IQGAP2: variants seen among roughly 807,000 people sequenced by gnomAD.
The protein encoded by IQGAP2 is IQ motif containing GTPase activating protein 2.
Under a neutral mutation model 201.3 loss-of-function variants are expected in IQGAP2, and 173 were observed. The ratio of observed to expected loss-of-function variants is 0.86; its 90% CI spans 0.76 to 0.98. The LOEUF is 0.98. IQGAP2 is among the 50% of genes least tolerant of loss of function. The pLI, the probability that IQGAP2 is intolerant of heterozygous loss-of-function variation, is 0.00. For missense variants in IQGAP2, 1,687 were observed against 1,864.8 expected (o/e 0.90, Z 1.76); for synonymous variants, 675 against 673.9 (o/e 1.00, Z -0.03).
chr5:76,449,006 G>A (rs943012007), intron 1 of IQGAP2, among the ~76,000 whole-genome samples: 29 of 152,142 alleles, frequency 1.9e-4, no homozygotes, highest in African/African-American at 5.5e-4. Context: ...TCTCACAACC[G>A]TACTCCTCTC....
intron 2 of IQGAP2, among the ~76,000 whole-genome samples, chr5:76,524,044 A>G (rs770789034): frequency 5.3e-5 from 8 of 152,184 alleles, no homozygotes; most frequent in African/African-American, 7.2e-5. Context: ...TTAGGAGTCT[A>G]TAAATCTGGG....
intron 3 of IQGAP2, among the ~76,000 whole-genome samples, chr5:76,570,110 C>G (rs975525567): frequency 6.6e-6 from 1 of 152,094 alleles, no homozygotes; most frequent in African/African-American, 2.4e-5. Flanking sequence ...GCTATATTTT[C>G]CTATTTTCCA....
At chr5:76,647,019 T>C (rs1752095506) in intron 17 of IQGAP2, among the ~76,000 whole-genome samples, 1 of 152,196 alleles carries the variant, frequency 6.6e-6, no homozygotes, top group South Asian at 2.1e-4. Flanking sequence ...CATTGACACT[T>C]CTGATTTTTT....
intron 2 of IQGAP2, among the ~76,000 whole-genome samples, chr5:76,489,746 C>T (rs1192866712): frequency 4.6e-5 from 7 of 152,180 alleles, no homozygotes; most frequent in Admixed American, 6.5e-5. Flanking sequence ...GGATTACAGG[C>T]GTGAGTCACC....
intron 2 of IQGAP2, among the ~76,000 whole-genome samples, chr5:76,468,214 C>T (rs1011168022): frequency 2.6e-5 from 4 of 152,114 alleles, no homozygotes; most frequent in Admixed American, 6.6e-5. Flanking sequence ...TTAGCAGATA[C>T]ATTGCATATA....
At chr5:76,542,438 C>G (rs564406166) in intron 2 of IQGAP2, among the ~76,000 whole-genome samples, 1 of 152,252 alleles carries the variant, frequency 6.6e-6, no homozygotes, top group Non-Finnish European at 1.5e-5. Flanking sequence ...CGTTCCTTAC[C>G]GGTACCGGCC....
intron 1 of IQGAP2, among the ~76,000 whole-genome samples, chr5:76,426,866 C>T (rs936254226): frequency 6.6e-6 from 1 of 150,928 alleles, no homozygotes; most frequent in East Asian, 2.0e-4. Context: ...CACTCAATGG[C>T]AGGCTCTTCT....
chr5:76,569,767 T>A (rs1261208774), intron 3 of IQGAP2, among the ~76,000 whole-genome samples: 3 of 152,196 alleles, frequency 2.0e-5, no homozygotes, highest in African/African-American at 7.2e-5. Context: ...AATAAATAGA[T>A]AACATGGTGC....
chr5:76,593,449 C>T (rs1442586957), intron 9 of IQGAP2, among the ~76,000 whole-genome samples: 1 of 152,146 alleles, frequency 6.6e-6, no homozygotes, highest in Non-Finnish European at 1.5e-5. Context: ...TTGAGTCCCA[C>T]ACCCCTGAGC....
Position 76,683,873 on chromosome 5 carries a change from C to A in IQGAP2, c.3861C>A (p.Asp1287Glu). ...CTCTTGTCTTGACAAGCAAATATGA[C>A]ATAGAGGACGGTGAAGCTATAGATA... ...EISLVLTSKY[D>E]IEDGEAIDSR... The change falls in exon 30 of 36, where the codon GAC becomes GAA. Residue 1287 changes from aspartate (D) to glutamate (E), a missense_variant. Asp to Glu is a conservative substitution (Grantham distance 45). Coordinates refer to ENST00000274364, the MANE Select transcript of IQGAP2 (RefSeq NM_006633.5). 2.5e-6 allele frequency: 4 copies of A among 1,613,246 alleles called. No homozygotes were observed. Among genetic ancestry groups the A allele is most frequent in the Non-Finnish European group, 3.4e-6 (4 of 1,179,596 alleles).
intron 17 of IQGAP2, among the ~76,000 whole-genome samples, chr5:76,649,035 C>G (rs1460224911): frequency 6.6e-6 from 1 of 152,176 alleles, no homozygotes; most frequent in Admixed American, 6.5e-5. Flanking sequence ...ATTCAAGAAG[C>G]TGAGGAAACC....
intron 2 of IQGAP2, chr5:76,510,553 A>G (rs920236730): frequency 2.2e-6 from 1 of 449,274 alleles, no homozygotes; most frequent in Non-Finnish European, 4.5e-6. Context: ...CCGCCAAGGT[A>G]TAGAGTCTCA....
chr5:76,420,164 T>G (rs1033468020), intron 1 of IQGAP2, among the ~76,000 whole-genome samples: 1 of 152,116 alleles, frequency 6.6e-6, no homozygotes, highest in Non-Finnish European at 1.5e-5. Context: ...TGAATAGATA[T>G]TTTTAAAAAC....
At chr5:76,692,745 C>T (rs1396191794) in intron 30 of IQGAP2, among the ~76,000 whole-genome samples, 2 of 152,178 alleles carry the variant, frequency 1.3e-5, no homozygotes, top group Non-Finnish European at 2.9e-5. Flanking sequence ...TCTTTGTTAA[C>T]CCTATTTGTT....
At chr5:76,419,453 C>T (rs1751600530) in intron 1 of IQGAP2, among the ~76,000 whole-genome samples, 1 of 152,070 alleles carries the variant, frequency 6.6e-6, no homozygotes, top group Non-Finnish European at 1.5e-5. Flanking sequence ...TCTCCTGCCT[C>T]AGCCTCCCAA....
At chr5:76,437,056 CT>C (rs975419424) in intron 1 of IQGAP2, among the ~76,000 whole-genome samples, 8 of 148,942 alleles carry the variant, frequency 5.4e-5, no homozygotes, top group East Asian at 4.0e-4. Flanking sequence ...GGTGTATTAT[CT>C]TTTTTTTTTC....
At position 76,461,019 on chromosome 5, in the gene IQGAP2, C is replaced by T. The variant is rs530631458; in HGVS notation, c.47-551C>T. On this transcript the variant is annotated intron_variant, in intron 1 of 35. Coordinates refer to ENST00000274364, the MANE Select transcript of IQGAP2 (RefSeq NM_006633.5). ...TCAGCCTCCCAAGTAGCTGGGACTA[C>T]AGGTGCCCCCCACCACACCTGGCTA... 3.8e-4 allele frequency among the ~76,000 whole-genome samples: 58 copies of T among 151,900 alleles called. 1 individual carries two copies. Among genetic ancestry groups the T allele is most frequent in the African/African-American group, 1.3e-3 (55 of 41,420 alleles).
chr5:76,554,788 A>C (rs1293116950), intron 2 of IQGAP2, among the ~76,000 whole-genome samples: 1 of 152,202 alleles, frequency 6.6e-6, no homozygotes, highest in African/African-American at 2.4e-5. Context: ...CATATGACCC[A>C]GCAATTCTAC....
intron 5 of IQGAP2, among the ~76,000 whole-genome samples, chr5:76,586,404 A>C (rs1746249532): frequency 6.6e-6 from 1 of 152,222 alleles, no homozygotes; most frequent in Non-Finnish European, 1.5e-5. Flanking sequence ...AAAAGCAGGA[A>C]AATAAGAGGC....
Sources: allele counts gnomAD v4.1 joint callset (sites outside exome capture counted in the v4.1 genomes callset), GRCh38; gene constraint gnomAD v4.1.1; transcripts MANE v1.5; gene names NCBI Gene and HGNC (gene_info 2026-07-23, HGNC 2026-07-21).